MYH4: variants seen among roughly 807,000 people sequenced by gnomAD.
The protein encoded by MYH4 is myosin heavy chain 4.
A neutral mutation model predicts 229.9 loss-of-function variants in MYH4; 200 were observed. The ratio of observed to expected loss-of-function variants is 0.87; its 90% CI spans 0.78 to 0.98. The LOEUF (loss-of-function observed/expected upper bound fraction) is 0.98, where lower values mean the gene tolerates loss of function less well. Ranked by LOEUF, MYH4 falls within the 50% of genes least tolerant of loss-of-function variation. The pLI is 0.00. For missense variants in MYH4, 2,148 were observed against 2,332.6 expected, an observed-to-expected ratio of 0.92 and a Z score of 1.63; for synonymous variants, 761 against 834.6, an observed-to-expected ratio of 0.91 and a Z score of 1.52.
intron 35 of MYH4, 120 bp from the exon 36 acceptor site, chr17:10,445,482 C>A: frequency 7.6e-7 from 1 of 1,314,350 alleles, no homozygotes; most frequent in Non-Finnish European, 1.0e-6. Flanking sequence ...GAATAAAAAC[C>A]AAATTAGAAG....
Position 10,462,981 on chromosome 17 carries a change from A to G in MYH4, c.905-13T>C. The G allele has an allele frequency of 6.2e-7, 1 of 1,612,020 alleles. No individual in the cohort carries two copies. The highest frequency in any genetic ancestry group is 2.2e-5 in the East Asian group (1 of 44,860). ...ATCAGAAGCATTTCTGAACACATGG[A>G]AAAGAACAGTATATAGACAGCATTG... On this transcript the variant is annotated splice_polypyrimidine_tract_variant and intron_variant, in intron 10 of 39. Transcript: ENST00000255381.
In MYH4 at chr17:10,444,694, C is replaced by T; in HGVS notation, c.5577G>A (p.Glu1859=). 2 of 1,613,858 alleles carry T rather than the reference C, an allele frequency of 1.2e-6. No individual in the cohort carries two copies. The highest frequency in any genetic ancestry group is 1.7e-6 in the Non-Finnish European group (2 of 1,179,940). ...GCCTGAGAATATTCTTGCGGTCCTC[C>T]TCAGTCTGAAAGAGGTGCAAGTAGA... ...RRVKELTYQT[E]EDRKNILRLQ... Residue 1859 remains glutamate, a synonymous_variant, in exon 39 of 40, where the codon GAG becomes GAA. Coordinates refer to ENST00000255381, the MANE Select transcript of MYH4 (RefSeq NM_017533.2).
chr17:10,462,902 G>C lies in MYH4; in HGVS notation c.971C>G (p.Pro324Arg). 6.2e-7 allele frequency: 1 copy of C among 1,614,020 alleles called. No individual in the cohort carries two copies. Among genetic ancestry groups the C allele is most frequent in the South Asian group, 1.1e-5 (1 of 91,064 alleles). ...CAGCTCTTCCTGGTCATCAATGCTG[G>C]GCACAGTAATTTCCCCTTGGCTGAC... Reference protein sequence around the residue: ...AFVSQGEITVPSIDDQEELMA... With the variant: ...AFVSQGEITVRSIDDQEELMA... The change falls in exon 11 of 40, where the codon CCC (proline) becomes CGC (arginine). Residue 324 changes from proline (P) to arginine (R), a missense_variant. Transcript: ENST00000255381.
intron 15 of MYH4, among the ~76,000 whole-genome samples, chr17:10,458,459 C>G (rs1246913447): frequency 2.0e-5 from 3 of 152,144 alleles, no homozygotes; most frequent in Non-Finnish European, 2.9e-5. Context: ...ATCTTTTCCC[C>G]AAATTGTGCA....
Position 10,450,453 on chromosome 17 carries a change from T to C in MYH4, c.4181A>G (p.Lys1394Arg), listed in dbSNP as rs1259528530. Residue 1394 changes from lysine (K) to arginine (R), a missense_variant and splice_region_variant, in exon 30 of 40, where the codon AAG (lysine) becomes AGG (arginine). Lys to Arg is a conservative substitution (Grantham distance 26). Coordinates refer to ENST00000255381, the MANE Select transcript of MYH4 (RefSeq NM_017533.2). The stretch of plus-strand genomic sequence containing the variant: ...GCTCCCCTGCACTAAAAGCACATAC[T>C]TGGCCTCCTCCAGCTCCTCTGTGCG... ...IQRTEELEEA[K>R]KKLAQRLQDA... is the part of the protein sequence containing the mutation. 3 of 1,613,882 alleles carry C rather than the reference T, an allele frequency of 1.9e-6. No individual in the cohort carries two copies.
rs571602834 is a variant in MYH4 at position 10,445,178 on chromosome 17, A to G, written c.5296-32T>C. 1.1e-4 allele frequency: 180 copies of G among 1,614,166 alleles called. 3 individuals carry two copies. The South Asian group carries it at 1.9e-3, about 17-fold the overall frequency. On this transcript the variant is annotated intron_variant, in intron 36 of 39. Transcript: ENST00000255381. ...AGCAAATAAATTTTGAAAATAATGA[A>G]TTCTGATGATAGCAGGCAGCATGCA...
Position 10,452,197 on chromosome 17 carries a change from G to A in MYH4, c.3482C>T (p.Thr1161Ile), listed in dbSNP as rs761299869. 15 of 1,613,892 alleles carry A rather than the reference G, an allele frequency of 9.3e-6. No homozygotes were observed. Among genetic ancestry groups the A allele is most frequent in the East Asian group, 2.2e-5 (1 of 44,878 alleles). Residue 1161 changes from threonine (T) to isoleucine (I), a missense_variant, in exon 27 of 40, where the codon ACT becomes ATT. Coordinates refer to ENST00000255381, the MANE Select transcript of MYH4 (RefSeq NM_017533.2). ...CTTGTTCATCTCAATCTGGGCTGAA[G>A]TGGCCCCACCGGCTTCTTCCAGCCT... ...SERLEEAGGATSAQIEMNKKR... is the reference protein window; with the variant it reads ...SERLEEAGGAISAQIEMNKKR...
chr17:10,453,755 G>A lies in MYH4; in HGVS notation c.2822C>T (p.Thr941Ile), dbSNP rs766932691. 6.2e-7 allele frequency: 1 copy of A among 1,614,030 alleles called. No individual in the cohort carries two copies. The highest frequency in any genetic ancestry group is 8.5e-7 in the Non-Finnish European group (1 of 1,179,990). The stretch of plus-strand genomic sequence containing the variant: ...ATCCTCCAGTTTCCTCTTCTTGGCT[G>A]TCAGCTCAGCATTGATCTCTTCCTC... ...EDEEEINAEL[T>I]AKKRKLEDEC... is the part of the protein sequence containing the mutation. Residue 941 changes from threonine to isoleucine, a missense_variant, in exon 23 of 40, where the codon ACA (threonine) becomes ATA (isoleucine). Thr to Ile is a moderately conservative substitution (Grantham distance 89). Coordinates refer to ENST00000255381, the MANE Select transcript of MYH4 (RefSeq NM_017533.2).
chr17:10,453,120 G>A (rs2142217715), intron 24 of MYH4, 32 bp downstream of exon 24: 1 of 1,613,214 alleles, frequency 6.2e-7, no homozygotes, highest in Admixed American at 1.7e-5. Context: ...TTATTTCATT[G>A]CAAGGGGAAA....
intron 11 of MYH4, 108 bp from the exon 12 acceptor site, chr17:10,461,162 T>A: frequency 7.9e-7 from 1 of 1,263,804 alleles, no homozygotes; most frequent in Non-Finnish European, 1.1e-6. Flanking sequence ...GCCTTATATT[T>A]GACTAGCACT....
In MYH4 at chr17:10,466,659, G is replaced by C; in HGVS notation, c.87C>G (p.Asn29Lys). Residue 29 changes from asparagine (N) to lysine (K), a missense_variant, in exon 3 of 40, where the codon AAC becomes AAG. Asn to Lys is a moderately conservative substitution (Grantham distance 94). Transcript: ENST00000255381. ...KSEKERIEAQ[N>K]KPFDAKTSVF... Reference sequence around the variant, plus strand: ...CTGATGTCTTGGCATCAAAAGGCTTGTTCTGAGCTTCAATTCGCTCCTTTT... The same window carrying C: ...CTGATGTCTTGGCATCAAAAGGCTTCTTCTGAGCTTCAATTCGCTCCTTTT... 1 of 1,614,148 alleles carries C rather than the reference G, an allele frequency of 6.2e-7. No individual in the cohort carries two copies. Among genetic ancestry groups the C allele is most frequent in the Non-Finnish European group, 8.5e-7 (1 of 1,180,044 alleles).
In MYH4 at chr17:10,463,078, G is replaced by T. The variant is rs756026249; in HGVS notation, c.904+12C>A. 6.2e-7 allele frequency: 1 copy of T among 1,603,152 alleles called. No homozygotes were observed. The highest frequency in any genetic ancestry group is 8.5e-7 in the Non-Finnish European group (1 of 1,171,068). On this transcript the variant is annotated intron_variant, in intron 10 of 39. Coordinates refer to ENST00000255381, the MANE Select transcript of MYH4 (RefSeq NM_017533.2). ...TATTCTTTGGTAGAAATAAATCAAA[G>T]ATGTGTCTTACCAATGAGCTCTGGT...
At position 10,466,335 on chromosome 17, in the gene MYH4, G is replaced by T. The variant is rs760469402; in HGVS notation, c.286C>A (p.His96Asn). ...DKIEDMAMMT[H>N]LHEPAVLYNL... Reference sequence around the variant, plus strand: ...TACAGCACAGCAGGCTCATGCAGGTGAGTCATCATGGCCATGTCCTCGATC... The same window carrying T: ...TACAGCACAGCAGGCTCATGCAGGTTAGTCATCATGGCCATGTCCTCGATC... Residue 96 changes from histidine (H) to asparagine (N), a missense_variant, in exon 4 of 40, where the codon CAC (histidine) becomes AAC (asparagine). By Grantham distance (68) the His-to-Asn change is moderately conservative (BLOSUM62 1). Coordinates refer to ENST00000255381, the MANE Select transcript of MYH4 (RefSeq NM_017533.2). The T allele has an allele frequency of 1.2e-6, 2 of 1,614,172 alleles. No homozygotes were observed. Among genetic ancestry groups the T allele is most frequent in the Admixed American group, 3.3e-5 (2 of 60,032 alleles).
rs1315767555 is a variant in MYH4 at position 10,453,016 on chromosome 17, A to G, written c.3112-84T>C. The G allele has an allele frequency of 5.0e-6, 8 of 1,584,482 alleles. No homozygotes were observed. The African/African-American group carries it at 8.2e-5, about 16-fold the overall frequency. On this transcript the variant is annotated intron_variant, in intron 24 of 39. Transcript: ENST00000255381. ...AGCCTTCAAAGATACATAAGAAAAA[A>G]ATTTAAAGATACAACAAATAGCACA...
At chr17:10,451,838 G>A in intron 27 of MYH4, 103 bp downstream of exon 27, 1 of 1,398,176 alleles carries the variant, frequency 7.2e-7, no homozygotes, top group South Asian at 1.4e-5. Context: ...AGCTTCAGAT[G>A]CCATCTAATG....
At position 10,459,300 on chromosome 17, in the gene MYH4, AACTCCC is replaced by A. The variant is rs762945705; in HGVS notation, c.1532_1537del (p.Trp511_Glu512del). On this transcript the variant is annotated inframe_deletion, in exon 15 of 40. Coordinates refer to ENST00000255381, the MANE Select transcript of MYH4 (RefSeq NM_017533.2). ...AGCCAGGTCCATCCCGAAGTCAATG[AACTCCC>A]ACTCGATGCCTTCCTTCTTGTACTC... 117 of 1,614,072 alleles carry A rather than the reference AACTCCC, an allele frequency of 7.2e-5. No individual in the cohort carries two copies. In the South Asian group the frequency reaches 1.3e-3, roughly 18 times the overall value.
Position 10,454,750 on chromosome 17 carries a change from G to A in MYH4, c.2496C>T (p.Pro832=), listed in dbSNP as rs759840408. 9 of 1,614,126 alleles carry A rather than the reference G, an allele frequency of 5.6e-6. No individual in the cohort carries two copies. Among genetic ancestry groups the A allele is most frequent in the Non-Finnish European group, 7.6e-6 (9 of 1,180,028 alleles). ...TGATCTTGAAATACAGCTTCATCCA[G>A]GGCCAGTGCTTCACATTCATGAAAG... ...IRAFMNVKHW[P]WMKLYFKIKP... Residue 832 remains proline (P), a synonymous_variant, in exon 22 of 40, where the codon CCC becomes CCT. Coordinates refer to ENST00000255381, the MANE Select transcript of MYH4 (RefSeq NM_017533.2).
chr17:10,461,076 C>T (rs1210415900), intron 11 of MYH4, 22 bp from the exon 12 acceptor site: 1 of 1,613,062 alleles, frequency 6.2e-7, no homozygotes, highest in African/African-American at 1.3e-5. Flanking sequence ...GTTGAATTTG[C>T]TCATCCCCAA....
chr17:10,443,514 T>A lies in MYH4; in HGVS notation c.5681A>T (p.Asn1894Ile), dbSNP rs1026248729. 6.2e-6 allele frequency: 10 copies of A among 1,613,848 alleles called. No homozygotes were observed. The highest frequency in any genetic ancestry group is 7.6e-6 in the Non-Finnish European group (9 of 1,179,912). The part of the protein sequence containing the change: ...RQAEEAEEQS[N>I]VNLAKFRKLQ... ...CTTGCGGAACTTGGCAAGGTTGACA[T>A]TGGATTGTTCCTCCTGAGAACAGAG... The change falls in exon 40 of 40, where the codon AAT becomes ATT. Residue 1894 changes from asparagine (N) to isoleucine (I), a missense_variant. Transcript: ENST00000255381. This position sits in a 1 kb window ranked among gnomAD's most constrained non-coding sequence, Gnocchi z 4.6.
Sources: gnomAD v4.1 joint callset for allele counts (sites outside exome capture counted in the v4.1 genomes callset) on GRCh38, gnomAD v4.1.1 for gene constraint, Gnocchi (gnomAD v3.1) non-coding constraint, MANE v1.5 for transcripts, NCBI Gene and HGNC (gene_info 2026-07-23, HGNC 2026-07-21) for gene names.